Variants in HMCN1 observed in about 807,000 individuals in gnomAD.
The protein encoded by HMCN1 is hemicentin 1.
A neutral mutation model predicts 625.9 loss-of-function variants in HMCN1; 321 were observed. That is an observed-to-expected ratio of 0.51 (90% confidence interval 0.47 to 0.56). HMCN1 has a LOEUF of 0.56. HMCN1 is among the 20% of genes least tolerant of loss of function. The pLI is 0.00. For missense variants in HMCN1, 6,588 were observed against 6,887.3 expected (o/e 0.96, Z 1.54); for synonymous variants, 2,425 against 2,417.6 (o/e 1.00, Z -0.09).
intron 36 of HMCN1, among the ~76,000 whole-genome samples, chr1:186,026,562 C>G (rs146245095): frequency 9.0e-4 from 137 of 152,204 alleles, no homozygotes; most frequent in African/African-American, 3.2e-3. Context: ...GGGAAGCAAT[C>G]CTCATTTAAT....
intron 93 of HMCN1, among the ~76,000 whole-genome samples, chr1:186,149,816 C>G (rs1221915064): frequency 2.0e-5 from 3 of 151,996 alleles, no homozygotes; most frequent in Admixed American, 1.3e-4. Flanking sequence ...TGTGTCTCAG[C>G]TAATAGGGAG....
chr1:185,906,573 A>T (rs1039794500), intron 4 of HMCN1, among the ~76,000 whole-genome samples: 1 of 151,906 alleles, frequency 6.6e-6, no homozygotes, highest in Non-Finnish European at 1.5e-5. Flanking sequence ...TTCCAACAAT[A>T]TATCATAACC....
At position 185,791,378 on chromosome 1, in the gene HMCN1, C is replaced by T. The variant is rs570990175; in HGVS notation, c.269-54648C>T. On this transcript the variant is annotated intron_variant, in intron 1 of 106. Transcript: ENST00000271588. ...AAAGTTTATGTTAATTGACCATGAACATTGTAGAGTGATGTGGGTTACACT... is the reference window on the plus strand; with the variant it reads ...AAAGTTTATGTTAATTGACCATGAATATTGTAGAGTGATGTGGGTTACACT... Among the ~76,000 whole-genome samples the T allele has an allele frequency of 1.6e-4, 25 of 152,228 alleles. 1 individual carries two copies. The highest frequency in any genetic ancestry group is 5.8e-4 in the African/African-American group (24 of 41,522).
In HMCN1 at chr1:186,081,294, C is replaced by G; in HGVS notation, c.8687C>G (p.Ser2896Cys). 6.2e-7 allele frequency: 1 copy of G among 1,612,910 alleles called. No homozygotes were observed. Among genetic ancestry groups the G allele is most frequent in the Non-Finnish European group, 8.5e-7 (1 of 1,178,972 alleles). The change falls in exon 56 of 107, where the codon TCC becomes TGC. Residue 2896 changes from serine to cysteine, a missense_variant. Coordinates refer to ENST00000271588, the MANE Select transcript of HMCN1 (RefSeq NM_031935.3). ...AAGAGTGCACTGATAGAGTGTTTAT[C>G]CAGTGGCAGCCCAGCACCAAGGAAT... Reference protein sequence around the residue: ...VNKSALIECLSSGSPAPRNSW... With the variant: ...VNKSALIECLCSGSPAPRNSW...
intron 34 of HMCN1, 62 bp downstream of exon 34, chr1:186,018,414 C>G (rs1558148320): frequency 7.1e-7 from 1 of 1,411,080 alleles, no homozygotes; most frequent in Non-Finnish European, 1.0e-6. Context: ...GTTTTATTAT[C>G]TAACTCAGAT....
At chr1:185,803,204 G>GAAAAAAAAAAAAAAAAAAAA (rs1557981375) in intron 1 of HMCN1, among the ~76,000 whole-genome samples, 10 of 23,706 alleles carry the variant, frequency 4.2e-4, no homozygotes, top group Non-Finnish European at 6.6e-4. Flanking sequence ...AAAAAAAAAA[G>GAAAAAAAAAAAAAAAAAAAA]CAAAAAAAAA....
chr1:186,041,562 T>C (rs570707704), intron 40 of HMCN1, among the ~76,000 whole-genome samples: 1 of 152,152 alleles, frequency 6.6e-6, no homozygotes, highest in Non-Finnish European at 1.5e-5. Context: ...TTAATGGCTC[T>C]TTGAGAAGCA....
In HMCN1 at chr1:186,189,496, T is replaced by G. The variant is rs529797186; in HGVS notation, c.16542-16T>G. The G allele has an allele frequency of 6.2e-7, 1 of 1,612,316 alleles. No individual in the cohort carries two copies. The highest frequency in any genetic ancestry group is 2.2e-5 in the East Asian group (1 of 44,878). Reference sequence around the variant, plus strand: ...TCCAGATAACTATGTGTATTTGATATGTTTGTTGTCCTTAGGTTCTGCCTC... The same window carrying G: ...TCCAGATAACTATGTGTATTTGATAGGTTTGTTGTCCTTAGGTTCTGCCTC... On this transcript the variant is annotated splice_polypyrimidine_tract_variant and intron_variant, in intron 106 of 106. Transcript: ENST00000271588.
rs1221348402 is a variant in HMCN1 at position 186,130,844 on chromosome 1, A to G, written c.13230+147A>G. The G allele has an allele frequency of 7.4e-6, 6 of 809,542 alleles. No homozygotes were observed. In the African/African-American group the frequency reaches 1.0e-4, roughly 14 times the overall value. 50.1% of individuals were successfully genotyped at this position (809,542 alleles called of 1,614,324 possible). ...ATAACTCCTTTTAAAAAACTGAAAC[A>G]AGGATTGAAATAGATATTTTAGCCC... On this transcript the variant is annotated intron_variant, in intron 85 of 106. Transcript: ENST00000271588.
chr1:185,803,168 T>C (rs572355246), intron 1 of HMCN1, among the ~76,000 whole-genome samples: 30 of 97,698 alleles, frequency 3.1e-4, no homozygotes, highest in Middle Eastern at 8.9e-3. Context: ...AGTAAATGCC[T>C]CTACTAAAAT....
At chr1:185,744,219 C>A (rs1325536438) in intron 1 of HMCN1, among the ~76,000 whole-genome samples, 1 of 151,846 alleles carries the variant, frequency 6.6e-6, no homozygotes, top group Non-Finnish European at 1.5e-5. Flanking sequence ...TGGTCTCAAT[C>A]TCCTGACCTT....
intron 11 of HMCN1, among the ~76,000 whole-genome samples, chr1:185,953,174 G>T (rs1649362192): frequency 6.6e-6 from 1 of 151,402 alleles, no homozygotes; most frequent in African/African-American, 2.4e-5. Flanking sequence ...CCTCCCCCCA[G>T]AAAAGCAGAG....
intron 97 of HMCN1, among the ~76,000 whole-genome samples, chr1:186,163,254 G>A (rs1571445011): frequency 1.3e-5 from 2 of 152,312 alleles, no homozygotes; most frequent in South Asian, 4.1e-4. Flanking sequence ...TTTTAAGCCT[G>A]TCAGAAAAGC....
chr1:185,828,589 A>G (rs1660664596), intron 1 of HMCN1, among the ~76,000 whole-genome samples: 1 of 152,144 alleles, frequency 6.6e-6, no homozygotes, highest in Admixed American at 6.5e-5. Context: ...TGTATAGAAC[A>G]TTGTTTCCTG....
At chr1:185,873,638 C>CT (rs1263907283) in intron 4 of HMCN1, among the ~76,000 whole-genome samples, 5 of 151,862 alleles carry the variant, frequency 3.3e-5, no homozygotes, top group African/African-American at 4.8e-5. Context: ...CCTTTTAAAG[C>CT]TTTTTTTGTT....
chr1:186,137,417 C>T, intron 87 of HMCN1, 81 bp from the exon 88 acceptor site: 2 of 1,440,666 alleles, frequency 1.4e-6, no homozygotes, highest in Non-Finnish European at 1.9e-6. Flanking sequence ...AGCTCTGTAA[C>T]CCGTGCATAT....
intron 1 of HMCN1, among the ~76,000 whole-genome samples, chr1:185,814,397 T>C (rs1365091086): frequency 6.6e-6 from 1 of 152,182 alleles, no homozygotes; most frequent in Non-Finnish European, 1.5e-5. Context: ...TCATGAGACA[T>C]TAAAATTTAA....
intron 29 of HMCN1, among the ~76,000 whole-genome samples, chr1:186,006,275 T>C (rs1232989329): frequency 1.3e-5 from 2 of 152,172 alleles, no homozygotes; most frequent in Non-Finnish European, 2.9e-5. Flanking sequence ...TCTGTTTAAT[T>C]TCATAGTCTT....
intron 51 of HMCN1, 96 bp downstream of exon 51, chr1:186,069,872 C>T (rs1658378613): frequency 1.3e-6 from 1 of 797,916 alleles, no homozygotes; most frequent in Admixed American, 2.0e-5. Flanking sequence ...TATTTATACT[C>T]ACCATTAAAG....
Sources: allele counts gnomAD v4.1 joint callset (sites outside exome capture counted in the v4.1 genomes callset), GRCh38; gene constraint gnomAD v4.1.1; transcripts MANE v1.5; gene names NCBI Gene and HGNC (gene_info 2026-07-23, HGNC 2026-07-21).